The following FERMT2 variants were observed in gnomAD, a reference collection of about 807,000 sequenced individuals.
FERMT2 encodes FERM domain containing kindlin 2.
FERMT2 carries 15 observed loss-of-function variants against 82.7 expected under a neutral mutation model. The observed-to-expected ratio is 0.18, with a 90% CI of 0.12 to 0.28. FERMT2 has a LOEUF of 0.28. FERMT2 is among the 10% of genes least tolerant of loss of function. The pLI is 1.00. For synonymous variants in FERMT2, 274 were observed against 271.5 expected (o/e 1.01, Z -0.09); for missense variants, 645 against 809.4 (o/e 0.80, Z 2.46).
At position 52,940,643 on chromosome 14, in the gene FERMT2, T is replaced by C. The variant is rs114486774; in HGVS notation, c.157+9769A>G. Among the ~76,000 whole-genome samples the C allele has an allele frequency of 9.2e-3, 1,403 of 152,278 alleles. 21 individuals are homozygous for C. The highest frequency in any genetic ancestry group is 0.032 in the African/African-American group (1,319 of 41,556). ...CAAAGAATCCTAATACATTACACAT[T>C]CCAAAGAGACAGGAACAAACTTAAA... On this transcript the variant is annotated intron_variant, in intron 2 of 14. Transcript: ENST00000341590.
intron 12 of FERMT2, chr14:52,862,251 G>C (rs1311102354): frequency 6.6e-6 from 1 of 152,196 alleles, no homozygotes; most frequent in African/African-American, 2.4e-5. Context: ...TTTTAGTAGA[G>C]ATGGGGTTTC....
chr14:52,866,312 A>C (rs1249996447), intron 10 of FERMT2, among the ~76,000 whole-genome samples: 1 of 152,166 alleles, frequency 6.6e-6, no homozygotes, highest in Non-Finnish European at 1.5e-5. Context: ...GATGAAATGC[A>C]AACAGCCAAT....
chr14:52,873,948 CT>C (rs374646717), intron 9 of FERMT2, among the ~76,000 whole-genome samples: 15,678 of 139,436 alleles, frequency 0.11, 754 homozygotes, highest in Middle Eastern at 0.17. Context: ...GTTTCACAAT[CT>C]TTTTTTTTTT....
chr14:52,929,303 T>C (rs547575472), intron 2 of FERMT2, among the ~76,000 whole-genome samples: 41 of 152,236 alleles, frequency 2.7e-4, no homozygotes, highest in Non-Finnish European at 4.6e-4. Context: ...ACCACCCTAT[T>C]TCAAGCTGCC....
intron 3 of FERMT2, among the ~76,000 whole-genome samples, chr14:52,916,891 T>C (rs951867888): frequency 2.6e-5 from 4 of 152,146 alleles, no homozygotes; most frequent in African/African-American, 9.7e-5. Context: ...ACAAATGATA[T>C]AAACAATTAA....
Position 52,875,308 on chromosome 14 carries a change from T to C in FERMT2, c.1013A>G (p.Asn338Ser). Residue 338 changes from asparagine to serine, a missense_variant, in exon 8 of 15, where the codon AAC becomes AGC. Coordinates refer to ENST00000341590, the MANE Select transcript of FERMT2 (RefSeq NM_006832.3). ...SIMTSENHLN[N>S]SDKEVDEVDA... ...AACTTCATCAACTTCTTTGTCACTG[T>C]TGTTCAAATGATTCTCTGATGTCAT... 7 of 1,611,496 alleles carry C rather than the reference T, an allele frequency of 4.3e-6. No homozygotes were observed. Among genetic ancestry groups the C allele is most frequent in the Middle Eastern group, 1.7e-4 (1 of 6,058 alleles).
intron 2 of FERMT2, among the ~76,000 whole-genome samples, chr14:52,932,928 A>T (rs1595013709): frequency 6.6e-6 from 1 of 152,360 alleles, no homozygotes; most frequent in Non-Finnish European, 1.5e-5. Context: ...AAAACAGGAA[A>T]AGAATACCCA....
chr14:52,891,758 T>C (rs893725900), intron 4 of FERMT2, among the ~76,000 whole-genome samples: 3 of 152,308 alleles, frequency 2.0e-5, no homozygotes, highest in Admixed American at 2.0e-4. Flanking sequence ...TCCTAAGTAA[T>C]GGATTTATAC....
intron 3 of FERMT2, among the ~76,000 whole-genome samples, chr14:52,913,305 T>G (rs1428906832): frequency 6.6e-6 from 1 of 152,340 alleles, no homozygotes; most frequent in African/African-American, 2.4e-5. Flanking sequence ...CACAAAATTC[T>G]AACACTATGA....
chr14:52,947,448 C>T (rs911158402), intron 2 of FERMT2, among the ~76,000 whole-genome samples: 1 of 152,012 alleles, frequency 6.6e-6, no homozygotes, highest in African/African-American at 2.4e-5. Context: ...TACTGCACTC[C>T]AGTCTGGGCG....
intron 4 of FERMT2, among the ~76,000 whole-genome samples, chr14:52,887,121 G>A (rs559556678): frequency 6.6e-6 from 1 of 151,724 alleles, no homozygotes; most frequent in South Asian, 2.1e-4. Flanking sequence ...TTGAGGCTAG[G>A]TGCAGTGATC....
intron 10 of FERMT2, among the ~76,000 whole-genome samples, chr14:52,870,617 C>T (rs928235410): frequency 2.6e-5 from 4 of 152,180 alleles, no homozygotes; most frequent in Non-Finnish European, 5.9e-5. Flanking sequence ...CAGTTGTCTA[C>T]AGTATTCAGT....
intron 4 of FERMT2, among the ~76,000 whole-genome samples, chr14:52,892,679 G>A (rs1488764713): frequency 2.0e-5 from 3 of 150,840 alleles, no homozygotes; most frequent in South Asian, 2.1e-4. Context: ...GGATGGTCTC[G>A]CTCTCTGACC....
intron 3 of FERMT2, among the ~76,000 whole-genome samples, chr14:52,905,094 C>G: frequency 6.6e-6 from 1 of 150,416 alleles, no homozygotes; most frequent in Admixed American, 6.7e-5. Context: ...GAGGCTGAGG[C>G]AGGAGAATCG....
intron 2 of FERMT2, among the ~76,000 whole-genome samples, chr14:52,945,952 T>C (rs143823038): frequency 0.014 from 2,199 of 152,244 alleles, 63 homozygotes; most frequent in East Asian, 0.076. Flanking sequence ...TCTCGGCTCA[T>C]TGCAACCTCC....
At chr14:52,932,615 A>G (rs546124005) in intron 2 of FERMT2, among the ~76,000 whole-genome samples, 2 of 152,330 alleles carry the variant, frequency 1.3e-5, no homozygotes, top group East Asian at 3.9e-4. Context: ...AAGAAAAATA[A>G]TAACAATAAT....
chr14:52,871,173 C>A (rs528358360), intron 10 of FERMT2, among the ~76,000 whole-genome samples: 1 of 152,284 alleles, frequency 6.6e-6, no homozygotes, highest in African/African-American at 2.4e-5. Context: ...GTCTCTAACC[C>A]CTTAGCTCTA....
intron 12 of FERMT2, chr14:52,862,101 G>C: frequency 6.6e-6 from 1 of 152,108 alleles, no homozygotes; most frequent in South Asian, 2.1e-4. Flanking sequence ...TTTCACTCTT[G>C]TCACCCAGGC....
chr14:52,920,627 T>C (rs1346471193), intron 2 of FERMT2, among the ~76,000 whole-genome samples: 1 of 152,068 alleles, frequency 6.6e-6, no homozygotes, highest in Non-Finnish European at 1.5e-5. Flanking sequence ...AGCGAGACTC[T>C]GTCTCAAGGA....
Sources: allele counts gnomAD v4.1 joint callset (sites outside exome capture counted in the v4.1 genomes callset), GRCh38; gene constraint gnomAD v4.1.1; transcripts MANE v1.5; gene names NCBI Gene and HGNC (gene_info 2026-07-23, HGNC 2026-07-21).